Variants in HTR3B observed in about 807,000 individuals in gnomAD.
The protein encoded by HTR3B is 5-hydroxytryptamine receptor 3B, also known as 5-hydroxytryptamine (serotonin) receptor 3B, ionotropic.
In HTR3B, 44 loss-of-function variants were observed where a neutral mutation model predicts 42.8. That is an observed-to-expected ratio of 1.03 (90% CI 0.81 to 1.32). The LOEUF is 1.32. HTR3B is among the 40% of genes most tolerant of loss of function. HTR3B has a pLI of 0.00. For missense variants in HTR3B, 527 were observed against 536.5 expected (o/e 0.98, Z 0.17); for synonymous variants, 203 against 209.0 (o/e 0.97, Z 0.25).
rs575590112 is a variant in HTR3B, at chr11:113,938,030, C to CT, written c.696+4938dup. 1.4e-4 allele frequency among the ~76,000 whole-genome samples: 21 copies of CT among 152,230 alleles called. No individual in the cohort carries two copies. In the South Asian group the frequency reaches 3.1e-3, roughly 23 times the overall value. On this transcript the variant is annotated intron_variant, in intron 6 of 8. Coordinates refer to ENST00000260191, the MANE Select transcript of HTR3B (RefSeq NM_006028.5). ...TGTTCCTTGGCTGGTAGATGCGTTG[C>CT]TCCCGTCTCTGCCTCCATCTTCACA...
intron 6 of HTR3B, among the ~76,000 whole-genome samples, chr11:113,941,991 T>C (rs1400913514): frequency 1.3e-5 from 2 of 152,186 alleles, no homozygotes; most frequent in East Asian, 1.9e-4. Flanking sequence ...CCAAATTTAA[T>C]TGTGCAAGTT....
At position 113,909,486 on chromosome 11, in the gene HTR3B, G is replaced by A. The variant is rs746858493; in HGVS notation, c.213+31G>A. The A allele has an allele frequency of 7.5e-6, 12 of 1,591,784 alleles. 1 individual carries two copies. In the South Asian group the frequency reaches 1.3e-4, roughly 18 times the overall value. ...GACCATCTTGCCCCTTCCTATTCTT[G>A]TTAACGTCTTTTGAAACAGTCTGCA... On this transcript the variant is annotated intron_variant, in intron 2 of 8. Transcript: ENST00000260191.
chr11:113,930,552 A>T, intron 2 of HTR3B, among the ~76,000 whole-genome samples: 1 of 148,576 alleles, frequency 6.7e-6, no homozygotes, highest in East Asian at 2.0e-4. Context: ...GCAGTGGCAC[A>T]AACATGGCCC....
chr11:113,938,347 T>A (rs900490366), intron 6 of HTR3B, among the ~76,000 whole-genome samples: 1 of 152,146 alleles, frequency 6.6e-6, no homozygotes, highest in African/African-American at 2.4e-5. Flanking sequence ...TGTCAACTCT[T>A]AAGTCCAAAA....
upstream of HTR3B, among the ~76,000 whole-genome samples, chr11:113,901,452 A>T (rs569979039): frequency 5.5e-3 from 835 of 152,248 alleles, 5 homozygotes; most frequent in African/African-American, 0.018. Flanking sequence ...TAGGGAAAAA[A>T]AAAAAAAAAG....
intron 2 of HTR3B, among the ~76,000 whole-genome samples, chr11:113,910,211 C>T (rs754586190): frequency 2.6e-5 from 4 of 151,928 alleles, no homozygotes; most frequent in African/African-American, 7.3e-5. Context: ...ATACCTAAAG[C>T]GTTTGCTAAG....
chr11:113,903,846 C>T (rs1044009544), upstream of HTR3B, among the ~76,000 whole-genome samples: 4 of 152,144 alleles, frequency 2.6e-5, no homozygotes, highest in East Asian at 7.7e-4. Flanking sequence ...CTGTGTATAC[C>T]ACTCCCTTCA....
rs183683009 is a variant in HTR3B, at chr11:113,942,962, G to C, written c.697-20G>C. ...GTTGGCCTAGATCCTCTTTTCATCA[G>C]ACCACTTGTTCCCGGCCAGGTGGTG... On this transcript the variant is annotated intron_variant, in intron 6 of 8. Transcript: ENST00000260191. 547 of 1,610,794 alleles carry C rather than the reference G, an allele frequency of 3.4e-4. 2 individuals are homozygous for C. The African/African-American group carries it at 6.4e-3, about 19-fold the overall frequency.
Position 113,946,191 on chromosome 11 carries a change from G to C in HTR3B, c.*54G>C, listed in dbSNP as rs1276790615. ...TGGCACTTAGGAGAGAGAGGAGGGGGAATAATAGTGGGTTAAAAAGCTTTC... is the reference window on the plus strand; with the variant it reads ...TGGCACTTAGGAGAGAGAGGAGGGGCAATAATAGTGGGTTAAAAAGCTTTC... On this transcript the variant is annotated 3_prime_UTR_variant, in exon 9 of 9. Coordinates refer to ENST00000260191, the MANE Select transcript of HTR3B (RefSeq NM_006028.5). 5 of 1,406,356 alleles carry C rather than the reference G, an allele frequency of 3.6e-6. No homozygotes were observed. In the African/African-American group the frequency reaches 7.1e-5, roughly 20 times the overall value. The allele number at this position is 1,406,356 out of a possible 1,614,324, so 87.1% of individuals were successfully genotyped here. A position where few individuals can be genotyped will look rare whatever the true frequency, so the allele number is the denominator to read the frequency against.
Position 113,946,371 on chromosome 11 carries a change from A to T in HTR3B, c.*234A>T, listed in dbSNP as rs952847929. 2 of 167,400 alleles carry T rather than the reference A, an allele frequency of 1.2e-5. No homozygotes were observed. The highest frequency in any genetic ancestry group is 5.2e-5 in the African/African-American group (2 of 38,234). The allele number at this position is 167,400 out of a possible 1,614,324, so 10.4% of individuals were successfully genotyped here. ...AAATAAATAAATAAATAAATAAATAAATAAATAAATAGCTGGGCATAGTGG... is the reference window on the plus strand; with the variant it reads ...AAATAAATAAATAAATAAATAAATATATAAATAAATAGCTGGGCATAGTGG... On this transcript the variant is annotated 3_prime_UTR_variant, in exon 9 of 9. Transcript: ENST00000260191.
chr11:113,902,800 CTTGT>C (rs778488631), upstream of HTR3B, among the ~76,000 whole-genome samples: 1 of 152,160 alleles, frequency 6.6e-6, no homozygotes, highest in Non-Finnish European at 1.5e-5. Flanking sequence ...AGATATTGTG[CTTGT>C]GTCTCTTTAG....
chr11:113,911,794 G>T (rs940295604), intron 2 of HTR3B, among the ~76,000 whole-genome samples: 5 of 152,102 alleles, frequency 3.3e-5, no homozygotes, highest in Non-Finnish European at 4.4e-5. Flanking sequence ...TCCCAAAAGT[G>T]CTGGGATTAC....
At chr11:113,939,727 T>G (rs1565566891) in intron 6 of HTR3B, among the ~76,000 whole-genome samples, 2 of 152,138 alleles carry the variant, frequency 1.3e-5, no homozygotes, top group Non-Finnish European at 2.9e-5. Flanking sequence ...CAGCTGCTCA[T>G]CTCAGTTGTA....
intron 6 of HTR3B, among the ~76,000 whole-genome samples, chr11:113,936,568 A>G (rs1254655588): frequency 1.3e-5 from 2 of 152,156 alleles, no homozygotes; most frequent in Admixed American, 1.3e-4. Flanking sequence ...AGAGAAAGAG[A>G]GAGAGAATTT....
At chr11:113,934,472 A>AAAAG (rs908558263) in intron 6 of HTR3B, among the ~76,000 whole-genome samples, 2 of 152,014 alleles carry the variant, frequency 1.3e-5, no homozygotes, top group African/African-American at 2.4e-5. Context: ...AAAGAAAGAA[A>AAAAG]AAAGAAAGAA....
At chr11:113,931,541 G>A in intron 3 of HTR3B, 113 bp downstream of exon 3, 1 of 741,262 alleles carries the variant, frequency 1.3e-6, no homozygotes, top group Non-Finnish European at 2.2e-6. Flanking sequence ...TCTTAGATCT[G>A]CAGCAGACCT....
At chr11:113,926,680 G>A (rs183658233) in intron 2 of HTR3B, among the ~76,000 whole-genome samples, 9 of 151,772 alleles carry the variant, frequency 5.9e-5, no homozygotes, top group East Asian at 3.9e-4. Flanking sequence ...GGTGTGCGCC[G>A]CCACACCCAA....
upstream of HTR3B, among the ~76,000 whole-genome samples, chr11:113,901,445 G>GT (rs150939307): frequency 0.096 from 14,126 of 147,816 alleles, 840 homozygotes; most frequent in Middle Eastern, 0.19. Flanking sequence ...TGCCTCTTAG[G>GT]GAAAAAAAAA....
chr11:113,931,949 T>C lies in HTR3B; in HGVS notation c.368+82T>C, dbSNP rs1458679378. On this transcript the variant is annotated intron_variant, in intron 4 of 8. Coordinates refer to ENST00000260191, the MANE Select transcript of HTR3B (RefSeq NM_006028.5). Reference sequence around the variant, plus strand: ...AGTTGCTGCTTACTTTCAGTCAGTGTTGCTCATTTTTGCTTCTCAAGTTGA... The same window carrying C: ...AGTTGCTGCTTACTTTCAGTCAGTGCTGCTCATTTTTGCTTCTCAAGTTGA... The C allele has an allele frequency of 3.7e-6, 3 of 818,882 alleles. No individual in the cohort carries two copies. The East Asian group carries it at 7.3e-5, about 20-fold the overall frequency. 50.7% of individuals were successfully genotyped at this position (818,882 alleles called of 1,614,324 possible).
Sources: gnomAD v4.1 joint callset for allele counts (sites outside exome capture counted in the v4.1 genomes callset) on GRCh38, gnomAD v4.1.1 for gene constraint, MANE v1.5 for transcripts, NCBI Gene and HGNC (gene_info 2026-07-23, HGNC 2026-07-21) for gene names.